TTC17: variants seen among roughly 807,000 people sequenced by gnomAD.
TTC17 encodes the protein tetratricopeptide repeat protein 17.
In TTC17, 58 loss-of-function variants were observed where a neutral mutation model predicts 143.8. The observed-to-expected ratio is 0.40, with a 90% CI of 0.33 to 0.50. The LOEUF (loss-of-function observed/expected upper bound fraction) is 0.50, where lower values mean the gene tolerates loss of function less well. TTC17 is among the 20% of genes least tolerant of loss of function. The pLI is 0.49. For synonymous variants in TTC17, 501 were observed against 497.8 expected (o/e 1.01, Z -0.09); for missense variants, 1,273 against 1,392.5 (o/e 0.91, Z 1.37).
intron 21 of TTC17, among the ~76,000 whole-genome samples, chr11:43,453,969 C>T (rs551767527): frequency 1.3e-5 from 2 of 151,994 alleles, no homozygotes; most frequent in South Asian, 4.1e-4. Context: ...ATGTGGCTGA[C>T]TGGCAGCTAC....
chr11:43,443,214 A>G (rs1029280855), intron 16 of TTC17, 111 bp from the exon 17 acceptor site: 5 of 1,211,216 alleles, frequency 4.1e-6, no homozygotes, highest in Non-Finnish European at 5.8e-6. Flanking sequence ...GGGCTATAGT[A>G]GTGCCTCTAA....
intron 21 of TTC17, among the ~76,000 whole-genome samples, chr11:43,459,016 C>T (rs1312187228): frequency 3.3e-5 from 5 of 152,092 alleles, no homozygotes; most frequent in Non-Finnish European, 5.9e-5. Context: ...AGGCATACAC[C>T]GGGGGTCTTG....
At chr11:43,399,785 A>G (rs1857769255) in intron 8 of TTC17, 103 bp from the exon 9 acceptor site, 4 of 1,152,338 alleles carry the variant, frequency 3.5e-6, no homozygotes, top group Admixed American at 2.7e-5. Context: ...AGGAAAACAC[A>G]CAGTAATTGT....
At chr11:43,445,785 C>T (rs1038683863) in intron 18 of TTC17, 4 of 595,164 alleles carry the variant, frequency 6.7e-6, no homozygotes, top group Non-Finnish European at 9.0e-6. Context: ...TAATCAGCTT[C>T]ATGATGAATC....
rs1156906037 is a variant in TTC17, at chr11:43,491,525, G to C, written c.3151-495G>C. 2.0e-5 allele frequency: 3 copies of C among 152,782 alleles called. No homozygotes were observed. In the South Asian group the frequency reaches 6.2e-4, roughly 32 times the overall value. 9.5% of individuals were successfully genotyped at this position (152,782 alleles called of 1,614,324 possible). ...AAAACAGCCACAGAAATACGTAGAG[G>C]ACTGGGAATGATTGTGTCCTAATAA... On this transcript the variant is annotated intron_variant, in intron 22 of 23. Coordinates refer to ENST00000039989, the MANE Select transcript of TTC17 (RefSeq NM_018259.6).
chr11:43,415,554 G>T (rs1181701602), intron 16 of TTC17, among the ~76,000 whole-genome samples: 1 of 152,034 alleles, frequency 6.6e-6, no homozygotes, highest in African/African-American at 2.4e-5. Context: ...TTCAAATTAG[G>T]TTATAATATT....
At position 43,450,220 on chromosome 11, in the gene TTC17, A is replaced by G; in HGVS notation, c.2925A>G (p.Thr975=). The change falls in exon 20 of 24, where the codon ACA becomes ACG. Residue 975 remains threonine, a synonymous_variant. Coordinates refer to ENST00000039989, the MANE Select transcript of TTC17 (RefSeq NM_018259.6). ...CCAACCGAGCCAGCCTGCACTACAC[A>G]GGGGAGAGTCAGTTAACAGAGGTGA... is the stretch of plus-strand genomic sequence containing the variant. ...GVSNRASLHY[T]GESQLTEVLQ... is the part of the protein sequence containing the mutation. 1.2e-6 allele frequency: 2 copies of G among 1,613,850 alleles called. No individual in the cohort carries two copies. Among genetic ancestry groups the G allele is most frequent in the Non-Finnish European group, 1.7e-6 (2 of 1,179,902 alleles).
At chr11:43,424,743 C>T (rs1390519974) in intron 16 of TTC17, among the ~76,000 whole-genome samples, 1 of 152,048 alleles carries the variant, frequency 6.6e-6, no homozygotes, top group Non-Finnish European at 1.5e-5. Flanking sequence ...GTACTCCAGC[C>T]TGGGCAAGAG....
chr11:43,421,726 G>T (rs976455970), intron 16 of TTC17, among the ~76,000 whole-genome samples: 1 of 150,682 alleles, frequency 6.6e-6, no homozygotes, highest in African/African-American at 2.4e-5. Context: ...TAAGCTCAGG[G>T]CTCCCACTGA....
At chr11:43,388,737 G>A (rs1050552581) in intron 2 of TTC17, among the ~76,000 whole-genome samples, 1 of 151,668 alleles carries the variant, frequency 6.6e-6, no homozygotes, top group Non-Finnish European at 1.5e-5. Context: ...ACTCTGTGAG[G>A]CCAAGGCAGG....
At chr11:43,398,175 G>A (rs1464047068) in intron 8 of TTC17, 62 bp downstream of exon 8, 6 of 1,587,832 alleles carry the variant, frequency 3.8e-6, no homozygotes, top group Non-Finnish European at 5.2e-6. Flanking sequence ...TTAAATCTGT[G>A]TAGGGGATAT....
intron 11 of TTC17, among the ~76,000 whole-genome samples, chr11:43,405,275 G>A (rs1268063591): frequency 6.6e-6 from 1 of 151,978 alleles, no homozygotes; most frequent in Non-Finnish European, 1.5e-5. Context: ...GCCTCTTCTT[G>A]TGTCTCACTG....
chr11:43,450,839 G>A (rs1947643529), intron 20 of TTC17, among the ~76,000 whole-genome samples: 1 of 152,044 alleles, frequency 6.6e-6, no homozygotes, highest in Non-Finnish European at 1.5e-5. Context: ...ATATCTGAAA[G>A]ACATATAAAG....
intron 16 of TTC17, among the ~76,000 whole-genome samples, chr11:43,426,449 A>G (rs1006974823): frequency 1.3e-5 from 2 of 152,232 alleles, no homozygotes; most frequent in Admixed American, 6.5e-5. Context: ...GGGTAAGTAG[A>G]TATGTTCAAA....
chr11:43,425,328 A>G (rs1378816569), intron 16 of TTC17, among the ~76,000 whole-genome samples: 2 of 152,114 alleles, frequency 1.3e-5, no homozygotes, highest in African/African-American at 2.4e-5. Context: ...TCTTGAAAAA[A>G]AAAATTTTTT....
At chr11:43,376,934 G>A (rs1423252601) in intron 1 of TTC17, among the ~76,000 whole-genome samples, 1 of 152,138 alleles carries the variant, frequency 6.6e-6, no homozygotes, top group African/African-American at 2.4e-5. Flanking sequence ...GCATGTTATG[G>A]TTCTGTAGGC....
At chr11:43,451,736 C>T (rs1164272720) in intron 21 of TTC17, among the ~76,000 whole-genome samples, 1 of 152,140 alleles carries the variant, frequency 6.6e-6, no homozygotes, top group Non-Finnish European at 1.5e-5. Flanking sequence ...TCTAAGACTC[C>T]TTTTCTTCCT....
intron 21 of TTC17, among the ~76,000 whole-genome samples, chr11:43,461,385 C>T (rs1363290371): frequency 6.5e-5 from 7 of 108,384 alleles, no homozygotes; most frequent in African/African-American, 1.1e-4. Flanking sequence ...AGCGAAACTC[C>T]GTCTCAAAAA....
intron 2 of TTC17, among the ~76,000 whole-genome samples, 154 bp downstream of exon 2, chr11:43,379,476 G>T (rs548773833): frequency 6.6e-6 from 1 of 152,190 alleles, no homozygotes; most frequent in African/African-American, 2.4e-5. Flanking sequence ...GTGTGTGTGT[G>T]TGTGTTTTTT....
Sources: allele counts gnomAD v4.1 joint callset (sites outside exome capture counted in the v4.1 genomes callset), GRCh38; gene constraint gnomAD v4.1.1; transcripts MANE v1.5; gene names NCBI Gene and HGNC (gene_info 2026-07-23, HGNC 2026-07-21).